Variants in PPP1R9A observed in about 807,000 individuals in gnomAD.
PPP1R9A encodes the protein protein phosphatase 1 regulatory subunit 9A, also known as neurabin-1.
PPP1R9A carries 59 observed loss-of-function variants against 141.9 expected under a neutral mutation model. That is an observed-to-expected ratio of 0.42 (90% CI 0.34 to 0.52). The LOEUF (loss-of-function observed/expected upper bound fraction) is 0.52. Among genes scored for constraint, PPP1R9A ranks in the 20% least tolerant of loss-of-function variants. The probability of loss-of-function intolerance (pLI) is 0.10; values close to 1 mark genes in which losing one functional copy is unlikely to be tolerated. For synonymous variants in PPP1R9A, 500 were observed against 569.7 expected, an observed-to-expected ratio of 0.88 and a Z score of 1.74; for missense variants, 1,444 against 1,611.9, an observed-to-expected ratio of 0.90 and a Z score of 1.78.
In PPP1R9A at chr7:94,911,284, G is replaced by C. The variant is rs1463701236; in HGVS notation, c.1171G>C (p.Asp391His). ...KEVPEDSNNFDGSHVYMHSDY... is the reference protein window; with the variant it reads ...KEVPEDSNNFHGSHVYMHSDY... ...AGTACCTGAAGATTCAAATAATTTT[G>C]ATGGTTCCCATGTGTACATGCACAG... Residue 391 changes from aspartate to histidine, a missense_variant, in exon 2 of 20, where the codon GAT (aspartate) becomes CAT (histidine). Coordinates refer to ENST00000433360, the MANE Select transcript of PPP1R9A (RefSeq NM_001166160.2). The C allele has an allele frequency of 3.7e-6, 6 of 1,614,014 alleles. No individual in the cohort carries two copies. The highest frequency in any genetic ancestry group is 1.1e-5 in the South Asian group (1 of 91,084).
chr7:95,265,306 T>G (rs994135373), intron 12 of PPP1R9A, among the ~76,000 whole-genome samples: 1 of 152,212 alleles, frequency 6.6e-6, no homozygotes, highest in Non-Finnish European at 1.5e-5. Context: ...AATAGGCTTC[T>G]GAAGCCTGAG....
chr7:95,085,480 T>C (rs1011489546), intron 2 of PPP1R9A, among the ~76,000 whole-genome samples: 2 of 149,414 alleles, frequency 1.3e-5, no homozygotes, highest in African/African-American at 5.0e-5. Flanking sequence ...AGTGGCACGA[T>C]CTCGGCTCAC....
chr7:95,294,452 A>G lies in PPP1R9A; in HGVS notation c.*4149A>G, dbSNP rs854546. Reference sequence around the variant, plus strand: ...CCCAGCCAAAACATCCATATTTTCTATTAGAATGGTTTACATTATGATGGG... The same window carrying G: ...CCCAGCCAAAACATCCATATTTTCTGTTAGAATGGTTTACATTATGATGGG... On this transcript the variant is annotated 3_prime_UTR_variant, in exon 20 of 20. Transcript: ENST00000433360. 31 of 151,568 alleles carry G rather than the reference A, an allele frequency of 2.0e-4. No individual in the cohort carries two copies. Among genetic ancestry groups the G allele is most frequent in the African/African-American group, 6.1e-4 (25 of 41,262 alleles). The allele number at this position is 151,568 out of a possible 1,614,324, so 9.4% of individuals were successfully genotyped here.
chr7:95,019,345 T>G (rs139305663), intron 2 of PPP1R9A, among the ~76,000 whole-genome samples: 49 of 152,312 alleles, frequency 3.2e-4, no homozygotes, highest in African/African-American at 1.0e-3. Flanking sequence ...ATCGCAACAC[T>G]GCACTCCAGC....
At chr7:95,016,286 A>G (rs1805093015) in intron 2 of PPP1R9A, among the ~76,000 whole-genome samples, 1 of 152,164 alleles carries the variant, frequency 6.6e-6, no homozygotes, top group Non-Finnish European at 1.5e-5. Flanking sequence ...TAATAGTACT[A>G]CAGACATTAA....
chr7:95,124,034 A>G (rs1228323732), intron 4 of PPP1R9A, among the ~76,000 whole-genome samples: 1 of 152,226 alleles, frequency 6.6e-6, no homozygotes, highest in Non-Finnish European at 1.5e-5. Flanking sequence ...GTCTATTAAT[A>G]AGAAAATTGA....
chr7:94,938,540 A>G (rs1311712934), intron 2 of PPP1R9A, among the ~76,000 whole-genome samples: 1 of 151,670 alleles, frequency 6.6e-6, no homozygotes, highest in Non-Finnish European at 1.5e-5. Flanking sequence ...AGTGTTAATC[A>G]TTTCATGTTT....
In PPP1R9A at chr7:95,111,407, A is replaced by G; in HGVS notation, c.1528+16A>G. 2 of 1,607,956 alleles carry G rather than the reference A, an allele frequency of 1.2e-6. No individual in the cohort carries two copies. Among genetic ancestry groups the G allele is most frequent in the Non-Finnish European group, 1.7e-6 (2 of 1,175,928 alleles). On this transcript the variant is annotated intron_variant, in intron 3 of 19. Coordinates refer to ENST00000433360, the MANE Select transcript of PPP1R9A (RefSeq NM_001166160.2). ...CTAGAGAAAGGTTCGTGAGTGCTACAGTGTTAATATCATTATGTTGCTATG... is the reference window on the plus strand; with the variant it reads ...CTAGAGAAAGGTTCGTGAGTGCTACGGTGTTAATATCATTATGTTGCTATG...
intron 2 of PPP1R9A, among the ~76,000 whole-genome samples, chr7:94,973,570 A>C (rs1264576177): frequency 6.6e-6 from 1 of 152,214 alleles, no homozygotes; most frequent in Non-Finnish European, 1.5e-5. Flanking sequence ...ATTTGTAATC[A>C]GAGTAGATAA....
intron 2 of PPP1R9A, among the ~76,000 whole-genome samples, chr7:95,076,564 CTCTTA>C (rs1814891204): frequency 6.6e-6 from 1 of 152,030 alleles, no homozygotes; most frequent in Non-Finnish European, 1.5e-5. Context: ...TTTAAATTTT[CTCTTA>C]TATCTAGCTG....
At chr7:95,142,473 G>A (rs1165209771) in intron 4 of PPP1R9A, among the ~76,000 whole-genome samples, 1 of 151,830 alleles carries the variant, frequency 6.6e-6, no homozygotes, top group Non-Finnish European at 1.5e-5. Flanking sequence ...TAAGAGTTTT[G>A]TAGTTTTTAG....
intron 5 of PPP1R9A, among the ~76,000 whole-genome samples, chr7:95,192,214 C>CT (rs1360147341): frequency 6.6e-6 from 1 of 151,750 alleles, no homozygotes; most frequent in Admixed American, 6.6e-5. Context: ...AGAGTAAGTA[C>CT]TTTTTTTTCA....
chr7:95,002,263 G>A (rs983377893), intron 2 of PPP1R9A, among the ~76,000 whole-genome samples: 1 of 152,086 alleles, frequency 6.6e-6, no homozygotes, highest in African/African-American at 2.4e-5. Flanking sequence ...TTATAGATTA[G>A]GATTTATTCA....
intron 3 of PPP1R9A, 32 bp from the exon 4 acceptor site, chr7:95,120,680 T>G: frequency 6.2e-7 from 1 of 1,605,774 alleles, no homozygotes; most frequent in Non-Finnish European, 8.5e-7. Flanking sequence ...ACTTAAGTTG[T>G]TTCACCTCCC....
chr7:95,047,885 G>C (rs1810250870), intron 2 of PPP1R9A, among the ~76,000 whole-genome samples: 1 of 152,146 alleles, frequency 6.6e-6, no homozygotes, highest in Non-Finnish European at 1.5e-5. Context: ...TGAACAGATA[G>C]AACAAACTAT....
At chr7:95,281,058 T>C (rs1804132506) in intron 16 of PPP1R9A, among the ~76,000 whole-genome samples, 1 of 152,148 alleles carries the variant, frequency 6.6e-6, no homozygotes, top group African/African-American at 2.4e-5. Flanking sequence ...TCTGTAATTT[T>C]AAAGCAAAAA....
intron 2 of PPP1R9A, among the ~76,000 whole-genome samples, chr7:94,931,501 A>G (rs544761840): frequency 4.5e-4 from 68 of 152,328 alleles, no homozygotes; most frequent in Middle Eastern, 6.8e-3. Context: ...TACTAGGTAT[A>G]CTAACCAACA....
At chr7:95,199,867 T>G (rs1427436940) in intron 6 of PPP1R9A, among the ~76,000 whole-genome samples, 2 of 152,194 alleles carry the variant, frequency 1.3e-5, no homozygotes, top group African/African-American at 4.8e-5. Flanking sequence ...AGACACTGAT[T>G]TGCTTTTGCT....
At chr7:95,200,290 A>G (rs1423553127) in intron 6 of PPP1R9A, among the ~76,000 whole-genome samples, 1 of 150,390 alleles carries the variant, frequency 6.6e-6, no homozygotes, top group African/African-American at 2.4e-5. Context: ...TTTACGACAC[A>G]GGGTCTTGCT....
Sources: allele counts gnomAD v4.1 joint callset (sites outside exome capture counted in the v4.1 genomes callset), GRCh38; gene constraint gnomAD v4.1.1; transcripts MANE v1.5; gene names NCBI Gene and HGNC (gene_info 2026-07-23, HGNC 2026-07-21).